The following CNTLN variants were observed in gnomAD, a reference collection of about 807,000 sequenced individuals.
CNTLN encodes the protein centlein, centrosomal protein.
A neutral mutation model predicts 180.0 loss-of-function variants in CNTLN; 212 were observed. The observed-to-expected ratio is 1.18, with a 90% CI of 1.05 to 1.32. CNTLN has a LOEUF of 1.32. Ranked by LOEUF, CNTLN falls within the 40% of genes most tolerant of loss-of-function variation. The pLI is 0.00. For missense variants in CNTLN, 2,095 were observed against 1,610.9 expected (o/e 1.30, Z -5.14); for synonymous variants, 722 against 563.1 (o/e 1.28, Z -3.99).
chr9:17,244,831 A>G (rs530157467), intron 5 of CNTLN, among the ~76,000 whole-genome samples: 6 of 152,052 alleles, frequency 3.9e-5, no homozygotes, highest in Admixed American at 3.9e-4. Flanking sequence ...TGAGGTTACC[A>G]TGAGGCTTGC....
At chr9:17,149,708 G>A (rs1238279656) in intron 2 of CNTLN, among the ~76,000 whole-genome samples, 6 of 151,488 alleles carry the variant, frequency 4.0e-5, no homozygotes, top group Admixed American at 6.6e-5. Flanking sequence ...TAGTAGAGAC[G>A]GGGTTTCACC....
At chr9:17,191,607 C>A (rs1469791066) in intron 2 of CNTLN, among the ~76,000 whole-genome samples, 1 of 152,022 alleles carries the variant, frequency 6.6e-6, no homozygotes, top group Non-Finnish European at 1.5e-5. Context: ...TTCTTAAGAA[C>A]CTGAGTTAGT....
chr9:17,470,493 T>A (rs982665363), intron 23 of CNTLN, among the ~76,000 whole-genome samples: 6 of 151,956 alleles, frequency 3.9e-5, no homozygotes, highest in African/African-American at 1.4e-4. Context: ...CATTTATTCA[T>A]AGGGCGCAAC....
chr9:17,195,632 A>G (rs904870917), intron 2 of CNTLN, among the ~76,000 whole-genome samples: 1 of 152,200 alleles, frequency 6.6e-6, no homozygotes, highest in Admixed American at 6.5e-5. Flanking sequence ...AATGGCTAAT[A>G]TGTGCCCAGC....
chr9:17,359,259 T>A (rs191962910), intron 12 of CNTLN, among the ~76,000 whole-genome samples: 52 of 152,182 alleles, frequency 3.4e-4, no homozygotes, highest in East Asian at 2.9e-3. Flanking sequence ...GCTCAAGCAA[T>A]CCACTTGCTT....
intron 6 of CNTLN, among the ~76,000 whole-genome samples, chr9:17,290,998 C>G (rs576120527): frequency 6.6e-6 from 1 of 152,072 alleles, no homozygotes; most frequent in Non-Finnish European, 1.5e-5. Context: ...AGCTGTAGAC[C>G]GGAGCTGTTC....
the CNTLN span, among the ~76,000 whole-genome samples, chr9:17,511,360 C>G: frequency 6.6e-6 from 1 of 152,112 alleles, no homozygotes; most frequent in Non-Finnish European, 1.5e-5. Flanking sequence ...TCTCTAAAAC[C>G]TAGTGGCTTA....
the CNTLN span, among the ~76,000 whole-genome samples, chr9:17,522,095 T>C: frequency 6.6e-6 from 1 of 152,182 alleles, no homozygotes; most frequent in South Asian, 2.1e-4. Flanking sequence ...TTTGCTATGA[T>C]AGTCTCAGTT....
chr9:17,504,343 A>G (rs528914448), downstream of CNTLN, among the ~76,000 whole-genome samples: 4 of 152,334 alleles, frequency 2.6e-5, no homozygotes, highest in African/African-American at 7.2e-5. Context: ...ATAAAAAATT[A>G]CAAAACTTAA....
chr9:17,425,020 G>A (rs185611354), intron 18 of CNTLN, among the ~76,000 whole-genome samples: 1 of 152,292 alleles, frequency 6.6e-6, no homozygotes, highest in African/African-American at 2.4e-5. Flanking sequence ...ATGCTGTTTA[G>A]TGTATCTTCT....
intron 12 of CNTLN, among the ~76,000 whole-genome samples, chr9:17,347,967 G>T (rs1483150835): frequency 6.6e-6 from 1 of 152,002 alleles, no homozygotes; most frequent in African/African-American, 2.4e-5. Flanking sequence ...GAGTAGCTGG[G>T]GCTATAGATG....
downstream of CNTLN, among the ~76,000 whole-genome samples, chr9:17,508,796 A>G (rs150288912): frequency 2.4e-4 from 36 of 152,330 alleles, no homozygotes; most frequent in Admixed American, 1.0e-3. Flanking sequence ...ACATACCACA[A>G]TTGGTTTATT....
chr9:17,155,183 A>G (rs781535718), intron 2 of CNTLN, among the ~76,000 whole-genome samples: 7 of 152,340 alleles, frequency 4.6e-5, no homozygotes, highest in Non-Finnish European at 7.3e-5. Flanking sequence ...TGGACACACC[A>G]TCTTTAAGAA....
chr9:17,198,776 G>A (rs981089504), intron 2 of CNTLN, among the ~76,000 whole-genome samples: 2 of 151,264 alleles, frequency 1.3e-5, no homozygotes, highest in Non-Finnish European at 2.9e-5. Flanking sequence ...GAGAATGTGT[G>A]GTGTTTGGTT....
At chr9:17,236,629 T>G in intron 5 of CNTLN, 41 bp downstream of exon 5, 1 of 1,498,934 alleles carries the variant, frequency 6.7e-7, no homozygotes, top group Non-Finnish European at 9.0e-7. Context: ...CTTTTGGATC[T>G]AACTTTTTCT....
chr9:17,221,511 C>G (rs888432471), intron 2 of CNTLN, among the ~76,000 whole-genome samples: 6 of 151,982 alleles, frequency 3.9e-5, no homozygotes, highest in Admixed American at 6.6e-5. Flanking sequence ...AGATAAAGTG[C>G]AAATGGTAAA....
chr9:17,267,293 T>TA lies in CNTLN; in HGVS notation c.850-6439dup, dbSNP rs1467857277. On this transcript the variant is annotated intron_variant, in intron 5 of 25. Transcript: ENST00000380647. ...TAAAGTATTTTATTTCTCCTTCACT[T>TA]ATGAAGGTTAGGTTGGCTGGATATG... Among the ~76,000 whole-genome samples, 6 of 152,258 alleles carry TA rather than the reference T, an allele frequency of 3.9e-5. No individual in the cohort carries two copies. In the East Asian group the frequency reaches 7.7e-4, roughly 20 times the overall value.
chr9:17,457,718 G>A lies in CNTLN; in HGVS notation c.3306+3G>A. On this transcript the variant is annotated splice_donor_region_variant and intron_variant, in intron 19 of 25. Coordinates refer to ENST00000380647, the MANE Select transcript of CNTLN (RefSeq NM_017738.4). ...AGCAATTGCAGTATAAACTAAAGGT[G>A]ATTATAAAATTTATTAAGCATGAAA... is the stretch of plus-strand genomic sequence containing the variant. 1 of 1,426,500 alleles carries A rather than the reference G, an allele frequency of 7.0e-7. No homozygotes were observed. Among genetic ancestry groups the A allele is most frequent in the Non-Finnish European group, 9.2e-7 (1 of 1,083,114 alleles). 88.4% of individuals were successfully genotyped at this position (1,426,500 alleles called of 1,614,324 possible). A position where few individuals can be genotyped will look rare whatever the true frequency, so the allele number is the denominator to read the frequency against.
intron 15 of CNTLN, among the ~76,000 whole-genome samples, chr9:17,398,117 G>A (rs542204951): frequency 1.1e-4 from 16 of 152,178 alleles, no homozygotes; most frequent in African/African-American, 3.9e-4. Flanking sequence ...GTATTTACAA[G>A]AGCATGCCTT....
Sources: gnomAD v4.1 joint callset for allele counts (sites outside exome capture counted in the v4.1 genomes callset) on GRCh38, gnomAD v4.1.1 for gene constraint, MANE v1.5 for transcripts, NCBI Gene and HGNC (gene_info 2026-07-23, HGNC 2026-07-21) for gene names.